YAP1: variants seen among roughly 807,000 people sequenced by gnomAD.
The protein encoded by YAP1 is transcriptional coactivator YAP1.
In YAP1, 5 loss-of-function variants were observed where a neutral mutation model predicts 56.9. The ratio of observed to expected loss-of-function variants is 0.09; its 90% CI spans 0.05 to 0.18. YAP1 has a LOEUF of 0.18. Among genes scored for constraint, YAP1 ranks in the 10% least tolerant of loss-of-function variants. The pLI, the probability that YAP1 is intolerant of heterozygous loss-of-function variation, is 1.00. For missense variants in YAP1, 539 were observed against 651.8 expected (o/e 0.83, Z 1.88); for synonymous variants, 265 against 248.1 (o/e 1.07, Z -0.64).
intron 2 of YAP1, among the ~76,000 whole-genome samples, chr11:102,116,106 G>C (rs1314498723): frequency 6.6e-6 from 1 of 152,120 alleles, no homozygotes; most frequent in Non-Finnish European, 1.5e-5. Flanking sequence ...TCTAGATACA[G>C]TTGGCCTTCC....
intron 2 of YAP1, among the ~76,000 whole-genome samples, chr11:102,161,437 A>G (rs1420405416): frequency 6.6e-6 from 1 of 151,772 alleles, no homozygotes; most frequent in African/African-American, 2.4e-5. Context: ...CTATTTTTAA[A>G]AACTGTATTA....
intron 4 of YAP1, among the ~76,000 whole-genome samples, chr11:102,194,087 G>A (rs1352877053): frequency 3.9e-5 from 6 of 152,072 alleles, no homozygotes; most frequent in Non-Finnish European, 8.8e-5. Context: ...TTACAGGCGT[G>A]AGCCACCGTG....
In YAP1 at chr11:102,223,763, G is replaced by A. The variant is rs372956668; in HGVS notation, c.1163+11G>A. 7 of 1,613,242 alleles carry A rather than the reference G, an allele frequency of 4.3e-6. No homozygotes were observed. The highest frequency in any genetic ancestry group is 5.9e-6 in the Non-Finnish European group (7 of 1,179,402). ...TCCTTTCCTTAACAGGTTGGTGAAA[G>A]TTGCTACTGGTGAATATCTGAAAAG... On this transcript the variant is annotated intron_variant, in intron 7 of 8. Transcript: ENST00000282441.
chr11:102,183,947 G>T (rs1035090005), intron 3 of YAP1, among the ~76,000 whole-genome samples: 2 of 150,758 alleles, frequency 1.3e-5, no homozygotes, highest in Non-Finnish European at 3.0e-5. Context: ...CGTAGTGGCG[G>T]GCGCCTGTAG....
In YAP1 at chr11:102,137,131, T is replaced by G. The variant is rs116686488; in HGVS notation, c.572+22737T>G. Among the ~76,000 whole-genome samples, 881 of 152,326 alleles carry G rather than the reference T, an allele frequency of 5.8e-3. 9 individuals carry two copies. The highest frequency in any genetic ancestry group is 0.02 in the African/African-American group (841 of 41,560). Reference sequence around the variant, plus strand: ...CTCCTTTGCCCTTTAATGTAAATGTTTCTATAATCTGAAGATGGAACTAAC... The same window carrying G: ...CTCCTTTGCCCTTTAATGTAAATGTGTCTATAATCTGAAGATGGAACTAAC... On this transcript the variant is annotated intron_variant, in intron 2 of 8. Coordinates refer to ENST00000282441, the MANE Select transcript of YAP1 (RefSeq NM_001130145.3).
rs1192342559 is a variant in YAP1 at position 102,233,282 on chromosome 11, A to G, written c.*3342A>G. 6.6e-6 allele frequency: 1 copy of G among 152,184 alleles called. No homozygotes were observed. The highest frequency in any genetic ancestry group is 1.5e-5 in the Non-Finnish European group (1 of 68,032). The allele number at this position is 152,184 out of a possible 1,614,324, so 9.4% of individuals were successfully genotyped here. A position where few individuals can be genotyped will look rare whatever the true frequency, so the allele number is the denominator to read the frequency against. ...TGTCAAATATATATATATAGTACCA[A>G]TGTTACCTTTTTATTTTTTGTTTTA... On this transcript the variant is annotated 3_prime_UTR_variant, in exon 9 of 9. Transcript: ENST00000282441.
At chr11:102,158,064 A>G (rs955353360) in intron 2 of YAP1, among the ~76,000 whole-genome samples, 1 of 152,206 alleles carries the variant, frequency 6.6e-6, no homozygotes, top group African/African-American at 2.4e-5. Context: ...CTTGGAAGGA[A>G]CCAGTTTGTT....
At chr11:102,151,524 A>G (rs956010028) in intron 2 of YAP1, among the ~76,000 whole-genome samples, 2 of 152,082 alleles carry the variant, frequency 1.3e-5, no homozygotes, top group African/African-American at 4.8e-5. Flanking sequence ...ATCATTTTAT[A>G]TTCATTTATA....
intron 1 of YAP1, chr11:102,112,892 A>G: frequency 4.0e-6 from 2 of 504,154 alleles, no homozygotes; most frequent in Non-Finnish European, 5.1e-6. Flanking sequence ...CATCAGCCAC[A>G]AAGAATTACA....
At chr11:102,184,118 G>GGTT (rs1222761965) in intron 3 of YAP1, among the ~76,000 whole-genome samples, 11 of 151,386 alleles carry the variant, frequency 7.3e-5, no homozygotes, top group Non-Finnish European at 1.5e-4. Context: ...GAGATCTTGG[G>GGTT]GTTGTTGAGT....
intron 4 of YAP1, among the ~76,000 whole-genome samples, chr11:102,192,763 C>T (rs1255246376): frequency 1.3e-5 from 2 of 152,200 alleles, no homozygotes; most frequent in Non-Finnish European, 2.9e-5. Flanking sequence ...ATTGAGGTTT[C>T]AGAGATACTT....
Position 102,183,771 on chromosome 11 carries a change from A to G in YAP1, c.689-2247A>G, listed in dbSNP as rs184259650. Among the ~76,000 whole-genome samples the G allele has an allele frequency of 4.0e-5, 6 of 150,464 alleles. No homozygotes were observed. In the East Asian group the frequency reaches 5.9e-4, roughly 15 times the overall value. Reference sequence around the variant, plus strand: ...CACATATATGAAACCCATATATTCAAGCAGGCTTGAAAGCTACAATGAGGG... The same window carrying G: ...CACATATATGAAACCCATATATTCAGGCAGGCTTGAAAGCTACAATGAGGG... On this transcript the variant is annotated intron_variant, in intron 3 of 8. Coordinates refer to ENST00000282441, the MANE Select transcript of YAP1 (RefSeq NM_001130145.3).
chr11:102,221,705 A>G (rs1182896609), intron 6 of YAP1, among the ~76,000 whole-genome samples: 1 of 152,090 alleles, frequency 6.6e-6, no homozygotes, highest in African/African-American at 2.4e-5. Context: ...ATTGGGTGAC[A>G]GAGTGAGACC....
At chr11:102,124,025 C>G (rs1051731275) in intron 2 of YAP1, among the ~76,000 whole-genome samples, 2 of 149,214 alleles carry the variant, frequency 1.3e-5, no homozygotes, top group African/African-American at 5.0e-5. Flanking sequence ...GATCTCGGCT[C>G]ATCGCAATCT....
intron 3 of YAP1, among the ~76,000 whole-genome samples, chr11:102,169,095 A>C (rs1223608042): frequency 2.0e-5 from 3 of 152,190 alleles, no homozygotes; most frequent in African/African-American, 4.8e-5. Context: ...GGCGTCATCT[A>C]TTGTCCATGA....
rs1414520534 is a variant in YAP1 at position 102,231,401 on chromosome 11, C to G, written c.*1461C>G. On this transcript the variant is annotated 3_prime_UTR_variant, in exon 9 of 9. Transcript: ENST00000282441. Reference sequence around the variant, plus strand: ...TTCAAGATTGTTCTTACTTACAAGACTTGCTCCTACTTCTATGCTGAAAAT... The same window carrying G: ...TTCAAGATTGTTCTTACTTACAAGAGTTGCTCCTACTTCTATGCTGAAAAT... 1.3e-5 allele frequency: 2 copies of G among 152,354 alleles called. No individual in the cohort carries two copies. The highest frequency in any genetic ancestry group is 4.8e-5 in the African/African-American group (2 of 41,460). 9.4% of individuals were successfully genotyped at this position (152,354 alleles called of 1,614,324 possible). A position where few individuals can be genotyped will look rare whatever the true frequency, so the allele number is the denominator to read the frequency against.
At chr11:102,144,886 ACT>A (rs749053136) in intron 2 of YAP1, among the ~76,000 whole-genome samples, 8,688 of 149,556 alleles carry the variant, frequency 0.058, 334 homozygotes, top group Admixed American at 0.1. Context: ...ACATACACAC[ACT>A]CATGCTCACA....
At chr11:102,126,550 C>T (rs1291624268) in intron 2 of YAP1, among the ~76,000 whole-genome samples, 1 of 152,220 alleles carries the variant, frequency 6.6e-6, no homozygotes, top group Non-Finnish European at 1.5e-5. Flanking sequence ...TCACCTCCCG[C>T]CATGATTCTG....
chr11:102,160,570 G>C (rs1036842784), intron 2 of YAP1, among the ~76,000 whole-genome samples: 3 of 152,150 alleles, frequency 2.0e-5, no homozygotes, highest in African/African-American at 7.2e-5. Flanking sequence ...ATTCTACTCG[G>C]CTAGTAGCAA....
Sources: gnomAD v4.1 joint callset for allele counts (sites outside exome capture counted in the v4.1 genomes callset) on GRCh38, gnomAD v4.1.1 for gene constraint, MANE v1.5 for transcripts, NCBI Gene and HGNC (gene_info 2026-07-23, HGNC 2026-07-21) for gene names.